Variants in CECR2 observed in about 807,000 individuals in gnomAD.
CECR2 encodes the protein chromatin remodeling regulator CECR2.
In CECR2, 30 loss-of-function variants were observed where a neutral mutation model predicts 154.5. That is an observed-to-expected ratio of 0.19 (90% CI 0.15 to 0.26). CECR2 has a LOEUF of 0.26. CECR2 is among the 10% of genes least tolerant of loss of function. The pLI, the probability that CECR2 is intolerant of heterozygous loss-of-function variation, is 1.00. For missense variants in CECR2, 1,743 were observed against 1,829.3 expected (o/e 0.95, Z 0.86); for synonymous variants, 725 against 683.7 (o/e 1.06, Z -0.94).
At chr22:17,477,561 C>T (rs2055230164) in intron 1 of CECR2, 27 bp from the exon 2 acceptor site, 1 of 1,485,030 alleles carries the variant, frequency 6.7e-7, no homozygotes, top group Non-Finnish European at 9.4e-7. Flanking sequence ...TGTTTGATTT[C>T]TCAACTTCCC....
At chr22:17,457,076 G>A (rs1156385888) in intron 1 of CECR2, among the ~76,000 whole-genome samples, 1 of 152,216 alleles carries the variant, frequency 6.6e-6, no homozygotes, top group Non-Finnish European at 1.5e-5. Flanking sequence ...GCCCAGGCTG[G>A]AGTGCAGTGG....
chr22:17,557,321 G>A lies in CECR2; in HGVS notation c.*4481G>A, dbSNP rs1056559730. The A allele has an allele frequency of 5.3e-5, 8 of 151,968 alleles. No individual in the cohort carries two copies. The highest frequency in any genetic ancestry group is 1.7e-4 in the African/African-American group (7 of 41,368). 9.4% of individuals were successfully genotyped at this position (151,968 alleles called of 1,614,324 possible). On this transcript the variant is annotated 3_prime_UTR_variant, in exon 19 of 19. Transcript: ENST00000262608. ...GCACCACCACTCCCAGCTAATTTTTGTATTTTTAGTAGAGGCGGGGTTTCA... is the reference window on the plus strand; with the variant it reads ...GCACCACCACTCCCAGCTAATTTTTATATTTTTAGTAGAGGCGGGGTTTCA...
chr22:17,372,032 TCAAGG>T (rs1014008789), intron 1 of CECR2, among the ~76,000 whole-genome samples: 3 of 152,216 alleles, frequency 2.0e-5, no homozygotes, highest in African/African-American at 7.2e-5. Context: ...TGGTGAATAA[TCAAGG>T]CTATTTGATA....
chr22:17,506,709 A>C (rs1265235912), intron 7 of CECR2, among the ~76,000 whole-genome samples: 1 of 152,114 alleles, frequency 6.6e-6, no homozygotes, highest in Non-Finnish European at 1.5e-5. Flanking sequence ...GGTGGAGTGC[A>C]GTGGCACAAT....
chr22:17,492,581 C>T (rs1366864951), intron 2 of CECR2, among the ~76,000 whole-genome samples: 1 of 152,004 alleles, frequency 6.6e-6, no homozygotes, highest in Non-Finnish European at 1.5e-5. Flanking sequence ...TGCTCTTTCA[C>T]TCATAGAGGG....
intron 17 of CECR2, among the ~76,000 whole-genome samples, chr22:17,549,783 GGTTT>G (rs1232968048): frequency 2.3e-5 from 2 of 88,856 alleles, no homozygotes; most frequent in Admixed American, 1.4e-4. Flanking sequence ...CTAACTTTTT[GGTTT>G]TTTTTTTTTT....
Position 17,549,516 on chromosome 22 carries a change from C to G in CECR2, c.4229C>G (p.Thr1410Ser). 2 of 1,606,062 alleles carry G rather than the reference C, an allele frequency of 1.2e-6. No individual in the cohort carries two copies. The highest frequency in any genetic ancestry group is 1.7e-6 in the Non-Finnish European group (2 of 1,176,426). ...GCTGTGATGATGGAACAAATTGGCACTAGAAGTGGAATAAGAGGACCTTTC... is the reference window on the plus strand; with the variant it reads ...GCTGTGATGATGGAACAAATTGGCAGTAGAAGTGGAATAAGAGGACCTTTC... The part of the protein sequence containing the change: ...FQAVMMEQIG[T>S]RSGIRGPFQE... Residue 1410 changes from threonine (T) to serine (S), a missense_variant, in exon 17 of 19, where the codon ACT becomes AGT. Around this residue, in one of 4 missense-constraint regions of CECR2, gnomAD observed 1,250 missense variants for 1,192.1 expected, o/e 1.05. Coordinates refer to ENST00000262608, the MANE Select transcript of CECR2 (RefSeq NM_001290047.2).
At chr22:17,488,823 G>A (rs999720689) in intron 2 of CECR2, among the ~76,000 whole-genome samples, 8 of 152,100 alleles carry the variant, frequency 5.3e-5, no homozygotes, top group South Asian at 2.1e-4. Flanking sequence ...GGAATTGCTG[G>A]CGGGTCACAT....
Position 17,499,490 on chromosome 22 carries a change from A to G in CECR2, c.486A>G (p.Thr162=). The G allele has an allele frequency of 6.2e-7, 1 of 1,613,874 alleles. No individual in the cohort carries two copies. The highest frequency in any genetic ancestry group is 8.5e-7 in the Non-Finnish European group (1 of 1,179,848). The change falls in exon 4 of 19, where the codon ACA becomes ACG. Residue 162 remains threonine (T), a synonymous_variant. Transcript: ENST00000262608. ...SGALYWYFYG[T]RMYKEDPVQG... Reference sequence around the variant, plus strand: ...CACTATATTGGTATTTCTATGGAACACGAATGTACAAAGAGGACCCGGTGC... The same window carrying G: ...CACTATATTGGTATTTCTATGGAACGCGAATGTACAAAGAGGACCCGGTGC...
intron 1 of CECR2, among the ~76,000 whole-genome samples, chr22:17,414,216 C>T (rs1029996873): frequency 3.3e-5 from 5 of 152,138 alleles, no homozygotes; most frequent in African/African-American, 4.8e-5. Flanking sequence ...TCGTGATCCG[C>T]CCGCCTTGGC....
intron 16 of CECR2, among the ~76,000 whole-genome samples, chr22:17,543,839 A>T (rs560720976): frequency 2.6e-5 from 4 of 152,082 alleles, no homozygotes; most frequent in Admixed American, 6.6e-5. Flanking sequence ...GATTACAGGC[A>T]TGAGCCTTCC....
At chr22:17,428,694 T>TCTCGAACTCCTGGG (rs2054369685) in intron 1 of CECR2, among the ~76,000 whole-genome samples, 1 of 152,152 alleles carries the variant, frequency 6.6e-6, no homozygotes, top group Admixed American at 6.6e-5. Context: ...CCTGGGCTGG[T>TCTCGAACTCCTGGG]CTCGAACTCC....
At chr22:17,378,616 G>A (rs185536103) in intron 1 of CECR2, among the ~76,000 whole-genome samples, 1 of 152,270 alleles carries the variant, frequency 6.6e-6, no homozygotes, top group East Asian at 1.9e-4. Flanking sequence ...AGTATTGTTG[G>A]CCTCTATGCT....
At chr22:17,459,851 T>G (rs1459032845) in intron 1 of CECR2, among the ~76,000 whole-genome samples, 1 of 152,210 alleles carries the variant, frequency 6.6e-6, no homozygotes, top group Non-Finnish European at 1.5e-5. Context: ...TGAAACAAAT[T>G]CTTCAGAAGC....
chr22:17,414,303 A>G (rs1254568267), intron 1 of CECR2, among the ~76,000 whole-genome samples: 1 of 152,224 alleles, frequency 6.6e-6, no homozygotes, highest in Admixed American at 6.5e-5. Context: ...CTAGATCCCT[A>G]GGAGACAGAT....
chr22:17,396,766 G>A lies in CECR2; in HGVS notation c.126+26857G>A, dbSNP rs143580439. Among the ~76,000 whole-genome samples the A allele has an allele frequency of 2.6e-5, 4 of 152,320 alleles. No homozygotes were observed. In the East Asian group the frequency reaches 7.7e-4, roughly 29 times the overall value. ...CTGAGTGAATGGAGAAGTAATCTCT[G>A]CAGAGTAGAAAGATCACTTCACTGT... On this transcript the variant is annotated intron_variant, in intron 1 of 18. Transcript: ENST00000262608.
At chr22:17,477,518 C>A (rs1339797597) in intron 1 of CECR2, 70 bp from the exon 2 acceptor site, 3 of 1,005,180 alleles carry the variant, frequency 3.0e-6, no homozygotes, top group Non-Finnish European at 3.1e-6. Context: ...CTTGTGCTGG[C>A]GGTAGGAAGG....
At chr22:17,397,303 CTAATTTTTTG>C (rs770792581) in intron 1 of CECR2, among the ~76,000 whole-genome samples, 14 of 152,036 alleles carry the variant, frequency 9.2e-5, no homozygotes, top group Admixed American at 3.9e-4. Context: ...CCACACCTGG[CTAATTTTTTG>C]TATTTTAGTA....
At chr22:17,477,259 G>A (rs199670992) in intron 1 of CECR2, 9 of 638,314 alleles carry the variant, frequency 1.4e-5, no homozygotes, top group East Asian at 8.2e-5. Context: ...ATTTATACTC[G>A]ATTATATATA....
Sources: gnomAD v4.1 joint callset for allele counts (sites outside exome capture counted in the v4.1 genomes callset) on GRCh38, gnomAD v4.1.1 for gene constraint, gnomAD v4.1.1 regional missense constraint, MANE v1.5 for transcripts, NCBI Gene and HGNC (gene_info 2026-07-23, HGNC 2026-07-21) for gene names.